The following DYNC2I1 variants were observed in gnomAD, a reference collection of about 807,000 sequenced individuals.
DYNC2I1 encodes dynein 2 intermediate chain 1, also known as cytoplasmic dynein 2 intermediate chain 1.
Under a neutral mutation model 133.4 loss-of-function variants are expected in DYNC2I1, and 89 were observed. That is an observed-to-expected ratio of 0.67 (90% CI 0.56 to 0.80). The LOEUF (loss-of-function observed/expected upper bound fraction) is 0.80. Ranked by LOEUF, DYNC2I1 falls within the 30% of genes least tolerant of loss-of-function variation. The pLI is 0.00. For missense variants in DYNC2I1, 1,291 were observed against 1,314.5 expected (o/e 0.98, Z 0.28); for synonymous variants, 504 against 484.3 (o/e 1.04, Z -0.54).
chr7:158,943,099 G>T (rs1455592693), intron 24 of DYNC2I1, among the ~76,000 whole-genome samples: 1 of 152,190 alleles, frequency 6.6e-6, no homozygotes, highest in Non-Finnish European at 1.5e-5. Flanking sequence ...GTAAAGGAAA[G>T]ATAAGAGTTT....
intron 7 of DYNC2I1, among the ~76,000 whole-genome samples, chr7:158,888,866 G>T (rs1264214317): frequency 6.6e-6 from 1 of 152,134 alleles, no homozygotes; most frequent in East Asian, 1.9e-4. Flanking sequence ...TTTTGACGTG[G>T]ATGTTTTATT....
chr7:158,866,697 C>G (rs1842437003), intron 1 of DYNC2I1, among the ~76,000 whole-genome samples: 2 of 151,848 alleles, frequency 1.3e-5, no homozygotes, highest in Admixed American at 6.6e-5. Flanking sequence ...CCAGCCTGAC[C>G]AACATGGGGT....
the DYNC2I1 span, among the ~76,000 whole-genome samples, chr7:158,850,097 C>G: frequency 6.6e-6 from 1 of 152,242 alleles, no homozygotes; most frequent in East Asian, 1.9e-4. Context: ...AGTAGACACC[C>G]CTGAGCCTGC....
At chr7:158,948,429 G>A (rs140129664), downstream of DYNC2I1, among the ~76,000 whole-genome samples, 195 of 152,346 alleles carry the variant, frequency 1.3e-3, 1 homozygote, top group African/African-American at 4.4e-3. Flanking sequence ...CACATCAGTA[G>A]AAGTAAATTA....
intron 8 of DYNC2I1, among the ~76,000 whole-genome samples, chr7:158,901,224 C>T (rs1846225000): frequency 6.6e-6 from 1 of 152,150 alleles, no homozygotes; most frequent in Admixed American, 6.5e-5. Context: ...GTGCACACCA[C>T]CATGCCCAGC....
chr7:158,908,213 C>G (rs1247880605), intron 11 of DYNC2I1, among the ~76,000 whole-genome samples: 1 of 151,174 alleles, frequency 6.6e-6, no homozygotes, highest in Admixed American at 6.6e-5. Flanking sequence ...AGTAAATCAA[C>G]TTGAAATTTG....
At chr7:158,914,577 A>G (rs1847820691) in intron 14 of DYNC2I1, among the ~76,000 whole-genome samples, 4 of 152,156 alleles carry the variant, frequency 2.6e-5, no homozygotes. Context: ...TTTATTATTA[A>G]TTTCTTACAT....
chr7:158,841,202 TATATATATA>T, the DYNC2I1 span, among the ~76,000 whole-genome samples: 4 of 44,324 alleles, frequency 9.0e-5, 1 homozygote, highest in African/African-American at 1.7e-4. Context: ...TATATATATA[TATATATATA>T]TATATATATA....
intron 5 of DYNC2I1, among the ~76,000 whole-genome samples, chr7:158,882,417 C>G (rs1450695294): frequency 6.6e-6 from 1 of 151,762 alleles, no homozygotes; most frequent in African/African-American, 2.4e-5. Flanking sequence ...GACCCCATCT[C>G]TACCAAAAAA....
At position 158,953,840 on chromosome 7, in the gene DYNC2I1, A is replaced by G. The variant is rs141247725; in HGVS notation, c.*57-2743A>G. ...TAGCTTGGGGAAGGTGGTGAATGGC[A>G]TATATGTTATATATATGCCTAAAAA... On this transcript the variant is annotated intron_variant and NMD_transcript_variant, in intron 4 of 4. Coordinates refer to the DYNC2I1 transcript ENST00000454771. Among the ~76,000 whole-genome samples, 28 of 152,180 alleles carry G rather than the reference A, an allele frequency of 1.8e-4. No individual in the cohort carries two copies. The East Asian group carries it at 4.6e-3, about 25-fold the overall frequency.
chr7:158,920,956 G>A (rs1354087071), intron 15 of DYNC2I1, among the ~76,000 whole-genome samples: 2 of 152,206 alleles, frequency 1.3e-5, no homozygotes. Flanking sequence ...GCAGAATGAC[G>A]CAGCCAGCAG....
In DYNC2I1 at chr7:158,887,099, A is replaced by G. The variant is rs745820605; in HGVS notation, c.990+24A>G. The G allele has an allele frequency of 6.2e-6, 10 of 1,608,350 alleles. No individual in the cohort carries two copies. In the African/African-American group the frequency reaches 9.3e-5, roughly 15 times the overall value. On this transcript the variant is annotated intron_variant, in intron 7 of 24. Coordinates refer to ENST00000407559, the MANE Select transcript of DYNC2I1 (RefSeq NM_018051.5). ...AGGTAAGGCAGTCTCCACTGAGAATACATTGATTTTATGGTACATTGAGAT... is the reference window on the plus strand; with the variant it reads ...AGGTAAGGCAGTCTCCACTGAGAATGCATTGATTTTATGGTACATTGAGAT...
At chr7:158,951,650 G>A (rs1216535851) in intron 4 of DYNC2I1, among the ~76,000 whole-genome samples, 4 of 152,212 alleles carry the variant, frequency 2.6e-5, no homozygotes, top group African/African-American at 9.6e-5. Context: ...GAGAGGGCAG[G>A]GAGCGGAGAA....
intron 8 of DYNC2I1, among the ~76,000 whole-genome samples, chr7:158,894,917 A>C (rs1845623684): frequency 6.6e-6 from 1 of 152,148 alleles, no homozygotes; most frequent in Non-Finnish European, 1.5e-5. Flanking sequence ...TCCTGGTGAC[A>C]TGTGATGTGG....
At chr7:158,934,590 TTG>T in intron 23 of DYNC2I1, 41 bp downstream of exon 23, 1 of 1,541,776 alleles carries the variant, frequency 6.5e-7, no homozygotes, top group African/African-American at 1.4e-5. Flanking sequence ...TCTTCTTTTT[TTG>T]TTTTTTGAGA....
At chr7:158,859,030 C>T (rs996633837) in intron 1 of DYNC2I1, among the ~76,000 whole-genome samples, 6 of 131,838 alleles carry the variant, frequency 4.6e-5, no homozygotes, top group African/African-American at 1.5e-4. Context: ...GAGTCTTGCT[C>T]TTTCACCCAA....
chr7:158,953,422 T>C (rs1852113039), intron 4 of DYNC2I1, among the ~76,000 whole-genome samples: 1 of 152,240 alleles, frequency 6.6e-6, no homozygotes, highest in African/African-American at 2.4e-5. Context: ...GATGGTATTA[T>C]TTAAAACTAT....
At chr7:158,876,471 T>G in intron 3 of DYNC2I1, 138 bp from the exon 4 acceptor site, 6 of 1,060,400 alleles carry the variant, frequency 5.7e-6, no homozygotes, top group Non-Finnish European at 7.7e-6. Context: ...GTTGGAGGCA[T>G]GTGTTTTAGT....
intron 17 of DYNC2I1, among the ~76,000 whole-genome samples, chr7:158,925,111 G>A (rs1278268691): frequency 6.6e-6 from 1 of 152,210 alleles, no homozygotes; most frequent in Non-Finnish European, 1.5e-5. Flanking sequence ...ACTCCCAGTA[G>A]TGAGGAGCTG....
Sources: gnomAD v4.1 joint callset for allele counts (sites outside exome capture counted in the v4.1 genomes callset) on GRCh38, gnomAD v4.1.1 for gene constraint, MANE v1.5 for transcripts, NCBI Gene and HGNC (gene_info 2026-07-23, HGNC 2026-07-21) for gene names.